Variants in MRPS11 observed in about 807,000 individuals in gnomAD.
MRPS11 encodes the protein mitochondrial ribosomal protein S11.
Under a neutral mutation model 24.3 loss-of-function variants are expected in MRPS11, and 27 were observed. The observed-to-expected ratio is 1.11, with a 90% CI of 0.82 to 1.53. The LOEUF (loss-of-function observed/expected upper bound fraction) is 1.53. MRPS11 is among the 40% of genes most tolerant of loss of function. MRPS11 has a pLI of 0.00. For synonymous variants in MRPS11, 104 were observed against 98.7 expected, an observed-to-expected ratio of 1.05 and a Z score of -0.32; for missense variants, 277 against 256.5, an observed-to-expected ratio of 1.08 and a Z score of -0.55.
chr15:88,472,786 A>G, intron 3 of MRPS11, 61 bp downstream of exon 3: 5 of 1,424,768 alleles, frequency 3.5e-6, no homozygotes, highest in Non-Finnish European at 4.9e-6. Context: ...TTCACAGGGA[A>G]AGTCAGGCTT....
rs2055690702 is a variant in MRPS11, at chr15:88,471,094, GTC to G, written c.183-1531_183-1530del. Among the ~76,000 whole-genome samples, 2 of 152,202 alleles carry G rather than the reference GTC, an allele frequency of 1.3e-5. 1 individual carries two copies. On this transcript the variant is annotated intron_variant, in intron 2 of 5. Transcript: ENST00000325844. Reference sequence around the variant, plus strand: ...GTTCAGTAGTGGGAGCTGGGAGAAAGTCTGATTGCTTCTATTCCCCTGTGGAG... The same window carrying G: ...GTTCAGTAGTGGGAGCTGGGAGAAAGTGATTGCTTCTATTCCCCTGTGGAG...
At chr15:88,468,404 C>T (rs2055602250) in intron 2 of MRPS11, 3 of 1,093,912 alleles carry the variant, frequency 2.7e-6, no homozygotes, top group South Asian at 5.1e-5. Context: ...TGTTCCTGCA[C>T]GTCTTACGGA....
intron 3 of MRPS11, among the ~76,000 whole-genome samples, chr15:88,473,276 G>GGGGACA (rs1370113192): frequency 2.6e-4 from 39 of 152,166 alleles, no homozygotes; most frequent in African/African-American, 9.2e-4. Flanking sequence ...GCTTACAGAC[G>GGGGACA]GGGACAGTGC....
In MRPS11 at chr15:88,468,493, T is replaced by C. The variant is rs190416123; in HGVS notation, c.182+469T>C. 3.0e-6 allele frequency: 3 copies of C among 995,710 alleles called. No individual in the cohort carries two copies. The African/African-American group carries it at 5.2e-5, about 17-fold the overall frequency. The allele number at this position is 995,710 out of a possible 1,614,324, so 61.7% of individuals were successfully genotyped here. A position where few individuals can be genotyped will look rare whatever the true frequency, so the allele number is the denominator to read the frequency against. ...CCAGTGCCACCACCTCTGTATGCTGTATACACATCCACTTAACTTCACATC... is the reference window on the plus strand; with the variant it reads ...CCAGTGCCACCACCTCTGTATGCTGCATACACATCCACTTAACTTCACATC... On this transcript the variant is annotated intron_variant, in intron 2 of 5. Transcript: ENST00000325844.
In MRPS11 at chr15:88,469,913, G is replaced by A. The variant is rs74634451; in HGVS notation, c.182+1889G>A. 0.033 allele frequency among the ~76,000 whole-genome samples: 5,062 copies of A among 152,284 alleles called. 130 individuals are homozygous for A. Among genetic ancestry groups the A allele is most frequent in the Non-Finnish European group, 0.052 (3,547 of 68,006 alleles). The stretch of plus-strand genomic sequence containing the variant: ...TGTTGGCCTAAACAACTGGAAAGAC[G>A]GAGTTGTCATTGATTAAGATGGGGA... On this transcript the variant is annotated intron_variant, in intron 2 of 5. Transcript: ENST00000325844. This position sits in a 1 kb window ranked among gnomAD's most constrained non-coding sequence, Gnocchi z 4.4.
At chr15:88,476,474 A>G (rs2055825294) in intron 4 of MRPS11, among the ~76,000 whole-genome samples, 1 of 152,222 alleles carries the variant, frequency 6.6e-6, no homozygotes, top group African/African-American at 2.4e-5. Flanking sequence ...CCATGGACAG[A>G]TCATATACTA....
intron 2 of MRPS11, 82 bp downstream of exon 2, chr15:88,468,106 A>G: frequency 2.6e-6 from 4 of 1,512,618 alleles, no homozygotes; most frequent in Non-Finnish European, 3.6e-6. Context: ...GAACCAGTGA[A>G]TTTTCAGCTA....
rs143014030 is a variant in MRPS11, at chr15:88,476,023, G to A, written c.411+784G>A. 2.4e-3 allele frequency among the ~76,000 whole-genome samples: 367 copies of A among 152,278 alleles called. 3 individuals are homozygous for A. Among genetic ancestry groups the A allele is most frequent in the African/African-American group, 8.2e-3 (340 of 41,550 alleles). On this transcript the variant is annotated intron_variant, in intron 4 of 5. Transcript: ENST00000325844. Reference sequence around the variant, plus strand: ...AGAGATATGATAGTCTATTTGGAGAGGACATAGTATCGTGGGGACTCATGC... The same window carrying A: ...AGAGATATGATAGTCTATTTGGAGAAGACATAGTATCGTGGGGACTCATGC...
rs552246192 is a variant in MRPS11 at position 88,478,537 on chromosome 15, A to G, written c.*558A>G. ...CTGGATTCTGATGGATTTCGCCATTATGGGCATGTTTAAAGTTAGCCCTAA... is the reference window on the plus strand; with the variant it reads ...CTGGATTCTGATGGATTTCGCCATTGTGGGCATGTTTAAAGTTAGCCCTAA... On this transcript the variant is annotated 3_prime_UTR_variant, in exon 6 of 6. Coordinates refer to ENST00000325844, the MANE Select transcript of MRPS11 (RefSeq NM_022839.5). The surrounding 1 kb of genome is among the most constrained non-coding windows in gnomAD (Gnocchi z 4.7). 1.3e-5 allele frequency: 2 copies of G among 156,094 alleles called. No individual in the cohort carries two copies. The highest frequency in any genetic ancestry group is 2.0e-4 in the South Asian group (1 of 5,050). The allele number at this position is 156,094 out of a possible 1,614,324, so 9.7% of individuals were successfully genotyped here.
At chr15:88,472,589 C>T (rs778710955) in intron 2 of MRPS11, 38 bp from the exon 3 acceptor site, 17 of 1,537,284 alleles carry the variant, frequency 1.1e-5, no homozygotes, top group Admixed American at 8.5e-5. Context: ...TTTAAAAAGT[C>T]GAGACAATTT....
intron 3 of MRPS11, among the ~76,000 whole-genome samples, chr15:88,473,065 G>A (rs1231800458): frequency 6.6e-6 from 1 of 152,112 alleles, no homozygotes; most frequent in Non-Finnish European, 1.5e-5. Context: ...TTGCTGGTAG[G>A]GAATGGATGA....
At chr15:88,474,944 C>G (rs2055789647) in intron 3 of MRPS11, 166 bp from the exon 4 acceptor site, 4 of 749,812 alleles carry the variant, frequency 5.3e-6, no homozygotes, top group Non-Finnish European at 8.3e-6. Flanking sequence ...CTGACCTTTC[C>G]TGATACTTCC....
rs915050069 is a variant in MRPS11 at position 88,469,352 on chromosome 15, C to A, written c.182+1328C>A. 1.3e-5 allele frequency among the ~76,000 whole-genome samples: 2 copies of A among 152,234 alleles called. No homozygotes were observed. The highest frequency in any genetic ancestry group is 2.9e-5 in the Non-Finnish European group (2 of 68,046). On this transcript the variant is annotated intron_variant, in intron 2 of 5. Transcript: ENST00000325844. The surrounding 1 kb of genome is among the most constrained non-coding windows in gnomAD (Gnocchi z 4.4). ...CAAGATTCTGTTGTAGTCATTTCTTCAACAATGCCAGGCACTGTTCAGAGT... is the reference window on the plus strand; with the variant it reads ...CAAGATTCTGTTGTAGTCATTTCTTAAACAATGCCAGGCACTGTTCAGAGT...
At position 88,477,818 on chromosome 15, in the gene MRPS11, T is replaced by G; in HGVS notation, c.478-54T>G. 5 of 1,530,894 alleles carry G rather than the reference T, an allele frequency of 3.3e-6. No homozygotes were observed. The highest frequency in any genetic ancestry group is 4.5e-6 in the Non-Finnish European group (5 of 1,107,484). The allele number at this position is 1,530,894 out of a possible 1,614,324, so 94.8% of individuals were successfully genotyped here. A position where few individuals can be genotyped will look rare whatever the true frequency, so the allele number is the denominator to read the frequency against. ...CTCTCCGAACCCTGCCTGGAGACAC[T>G]GGATCATCATTTCTGGGACCATGTC... is the stretch of plus-strand genomic sequence containing the variant. On this transcript the variant is annotated intron_variant, in intron 5 of 5. Transcript: ENST00000325844. This position sits in a 1 kb window ranked among gnomAD's most constrained non-coding sequence, Gnocchi z 5.7.
intron 4 of MRPS11, 62 bp from the exon 5 acceptor site, chr15:88,476,927 A>T: frequency 6.4e-7 from 1 of 1,552,158 alleles, no homozygotes; most frequent in Non-Finnish European, 8.8e-7. Flanking sequence ...AGGAGGCAGT[A>T]GCAAGAGATT....
chr15:88,476,520 G>T (rs1340095187), intron 4 of MRPS11, among the ~76,000 whole-genome samples: 4 of 152,206 alleles, frequency 2.6e-5, no homozygotes, highest in Non-Finnish European at 5.9e-5. Flanking sequence ...AGTGGCTTCT[G>T]CATGGTGAGT....
At position 88,480,099 on chromosome 15, in the gene MRPS11, G is replaced by T. The variant is rs191274361; in HGVS notation, c.*2120G>T. ...AGGAAGCAAAAAGGAAGGGAACTCA[G>T]TGTTGTGGTACTTGGAGGCTCAGCC... On this transcript the variant is annotated 3_prime_UTR_variant, in exon 6 of 6. Transcript: ENST00000325844. This position sits in a 1 kb window ranked among gnomAD's most constrained non-coding sequence, Gnocchi z 5.1. 2 of 152,466 alleles carry T rather than the reference G, an allele frequency of 1.3e-5. No individual in the cohort carries two copies. The highest frequency in any genetic ancestry group is 3.9e-4 in the East Asian group (2 of 5,194). The allele number at this position is 152,466 out of a possible 1,614,324, so 9.4% of individuals were successfully genotyped here. A position where few individuals can be genotyped will look rare whatever the true frequency, so the allele number is the denominator to read the frequency against.
At chr15:88,471,066 G>T (rs1162639049) in intron 2 of MRPS11, among the ~76,000 whole-genome samples, 1 of 152,204 alleles carries the variant, frequency 6.6e-6, no homozygotes. Flanking sequence ...TGTGGGCACA[G>T]ATGTTCAGTA....
chr15:88,474,805 T>A (rs951013284), intron 3 of MRPS11, among the ~76,000 whole-genome samples: 1 of 152,204 alleles, frequency 6.6e-6, no homozygotes, highest in Non-Finnish European at 1.5e-5. Flanking sequence ...CTCTTCACTT[T>A]TGTGTATATT....
Sources: gnomAD v4.1 joint callset for allele counts (sites outside exome capture counted in the v4.1 genomes callset) on GRCh38, gnomAD v4.1.1 for gene constraint, Gnocchi (gnomAD v3.1) non-coding constraint, MANE v1.5 for transcripts, NCBI Gene and HGNC (gene_info 2026-07-23, HGNC 2026-07-21) for gene names.